Variants in WDR7 observed in about 807,000 individuals in gnomAD.
The protein encoded by WDR7 is WD repeat-containing protein 7.
In WDR7, 46 loss-of-function variants were observed where a neutral mutation model predicts 169.4. The observed-to-expected ratio is 0.27, with a 90% CI of 0.21 to 0.35. The LOEUF is 0.35. WDR7 is among the 10% of genes least tolerant of loss of function. WDR7 has a pLI of 1.00. For synonymous variants in WDR7, 612 were observed against 666.8 expected, an observed-to-expected ratio of 0.92 and a Z score of 1.27; for missense variants, 1,534 against 1,859.3, an observed-to-expected ratio of 0.83 and a Z score of 3.22.
intron 13 of WDR7, among the ~76,000 whole-genome samples, chr18:56,723,819 A>G (rs2026376658): frequency 2.0e-5 from 3 of 151,988 alleles, no homozygotes; most frequent in Admixed American, 6.6e-5. Flanking sequence ...CTCCAATTAT[A>G]TGTCTTTTAA....
Position 56,671,405 on chromosome 18 carries a change from G to A in WDR7, c.-19-1092G>A, listed in dbSNP as rs189027600. 1.1e-3 allele frequency among the ~76,000 whole-genome samples: 171 copies of A among 151,732 alleles called. 1 individual carries two copies. Among genetic ancestry groups the A allele is most frequent in the African/African-American group, 4.0e-3 (165 of 41,280 alleles). On this transcript the variant is annotated intron_variant, in intron 1 of 27. Transcript: ENST00000254442. ...CCAGGTTCAAGCCTCTCAAGTAGCT[G>A]GGTTTACAGGCACCTGCCACCATGC...
chr18:57,031,017 T>A (rs1013890933), downstream of WDR7: 1 of 152,254 alleles, frequency 6.6e-6, no homozygotes, highest in East Asian at 1.9e-4. Flanking sequence ...AGCAGAACGA[T>A]GAATATTGAA....
rs2044959045 is a variant in WDR7, at chr18:56,815,892, G to T, written c.3191-139G>T. ...GTGAATGTTTTATTCATTGATTTGT[G>T]TCTCTAATTTTGGTGAACATATATA... On this transcript the variant is annotated intron_variant, in intron 19 of 27. Coordinates refer to ENST00000254442, the MANE Select transcript of WDR7 (RefSeq NM_015285.3). 2.3e-5 allele frequency: 15 copies of T among 641,826 alleles called. No homozygotes were observed. In the South Asian group the frequency reaches 3.2e-4, roughly 14 times the overall value. 39.8% of individuals were successfully genotyped at this position (641,826 alleles called of 1,614,324 possible).
chr18:56,885,937 C>T (rs922248773), intron 21 of WDR7, among the ~76,000 whole-genome samples: 3 of 152,080 alleles, frequency 2.0e-5, no homozygotes, highest in African/African-American at 7.2e-5. Flanking sequence ...TGAACAAAGC[C>T]TCCAAGAAGT....
At chr18:56,928,689 A>G (rs1227343013) in intron 22 of WDR7, among the ~76,000 whole-genome samples, 3 of 152,176 alleles carry the variant, frequency 2.0e-5, no homozygotes, top group Admixed American at 1.3e-4. Context: ...CTTCTGTGCT[A>G]TTCAGATCTC....
chr18:56,909,417 G>T (rs1370351518), intron 21 of WDR7, among the ~76,000 whole-genome samples: 1 of 152,056 alleles, frequency 6.6e-6, no homozygotes, highest in Non-Finnish European at 1.5e-5. Context: ...AGGTATGTTG[G>T]GGTAGAGGAA....
intron 14 of WDR7, among the ~76,000 whole-genome samples, chr18:56,754,176 T>C (rs999659959): frequency 2.0e-5 from 3 of 151,274 alleles, no homozygotes; most frequent in African/African-American, 7.3e-5. Context: ...TTGGCAGAAG[T>C]TATAGGGATT....
Position 56,682,865 on chromosome 18 carries a change from ATGCC to A in WDR7, c.520+15_520+18del, listed in dbSNP as rs772764090. On this transcript the variant is annotated intron_variant, in intron 5 of 27. Transcript: ENST00000254442. ...CCACCGAACACAAGGTCAGTGTATT[ATGCC>A]TGTTAGGAGCTTTAGCACCATGACT... 1 of 1,611,156 alleles carries A rather than the reference ATGCC, an allele frequency of 6.2e-7. No individual in the cohort carries two copies. The highest frequency in any genetic ancestry group is 8.5e-7 in the Non-Finnish European group (1 of 1,178,896).
chr18:56,865,948 G>T (rs2045877448), intron 20 of WDR7, among the ~76,000 whole-genome samples: 2 of 151,900 alleles, frequency 1.3e-5, no homozygotes. Context: ...AATTTTGCTT[G>T]CTTATTATTT....
At chr18:56,818,342 G>T (rs1442235903) in intron 20 of WDR7, among the ~76,000 whole-genome samples, 1 of 152,162 alleles carries the variant, frequency 6.6e-6, no homozygotes, top group Non-Finnish European at 1.5e-5. Flanking sequence ...TACAGTATAT[G>T]ATTTTTTAAT....
chr18:56,777,052 T>C (rs2145052118), intron 17 of WDR7, among the ~76,000 whole-genome samples, 172 bp downstream of exon 17: 1 of 152,356 alleles, frequency 6.6e-6, no homozygotes. Flanking sequence ...TTTAAAAATG[T>C]AATGTTACCT....
intron 25 of WDR7, among the ~76,000 whole-genome samples, chr18:56,959,065 TA>T (rs1320759907): frequency 6.6e-6 from 1 of 152,126 alleles, no homozygotes; most frequent in African/African-American, 2.4e-5. Context: ...GCTGTTGTGT[TA>T]AACAAGGTGG....
intron 22 of WDR7, among the ~76,000 whole-genome samples, chr18:56,928,288 A>G (rs1032397924): frequency 3.3e-5 from 5 of 151,772 alleles, no homozygotes; most frequent in Non-Finnish European, 7.4e-5. Context: ...ACATAGCGAG[A>G]CCCCGTCTCT....
At chr18:56,702,634 T>A (rs2025858368) in intron 12 of WDR7, among the ~76,000 whole-genome samples, 1 of 152,226 alleles carries the variant, frequency 6.6e-6, no homozygotes, top group Non-Finnish European at 1.5e-5. Flanking sequence ...ATGAAACCTT[T>A]GTGTGTGTAA....
At chr18:57,002,891 C>T (rs763944745) in intron 26 of WDR7, among the ~76,000 whole-genome samples, 8 of 152,164 alleles carry the variant, frequency 5.3e-5, no homozygotes, top group Non-Finnish European at 8.8e-5. Flanking sequence ...TTTTTATACA[C>T]TGCTGTTCAA....
chr18:56,712,098 A>G (rs1168445787), intron 12 of WDR7, among the ~76,000 whole-genome samples: 4 of 152,248 alleles, frequency 2.6e-5, no homozygotes, highest in Non-Finnish European at 4.4e-5. Flanking sequence ...TTTAGTTTAG[A>G]AAAACAAATT....
intron 21 of WDR7, among the ~76,000 whole-genome samples, chr18:56,920,882 T>C (rs1309130723): frequency 6.6e-6 from 1 of 152,172 alleles, no homozygotes; most frequent in Non-Finnish European, 1.5e-5. Flanking sequence ...TCCTCTTTGA[T>C]CCATGTTGCA....
chr18:56,860,396 T>C (rs1453659683), intron 20 of WDR7, among the ~76,000 whole-genome samples: 1 of 152,132 alleles, frequency 6.6e-6, no homozygotes, highest in Admixed American at 6.6e-5. Context: ...TGGTTCAGTT[T>C]TACCATCCTT....
At chr18:57,034,962 CAG>C in the WDR7 span, 1 of 152,296 alleles carries the variant, frequency 6.6e-6, no homozygotes, top group Middle Eastern at 3.4e-3. Context: ...AGAGCCCTGA[CAG>C]AGGTGAACGG....
Sources: allele counts gnomAD v4.1 joint callset (sites outside exome capture counted in the v4.1 genomes callset), GRCh38; gene constraint gnomAD v4.1.1; transcripts MANE v1.5; gene names NCBI Gene and HGNC (gene_info 2026-07-23, HGNC 2026-07-21).